PTGDS: variants seen among roughly 807,000 people sequenced by gnomAD.
PTGDS encodes prostaglandin D2 synthase, also known as prostaglandin-H2 D-isomerase.
Under a neutral mutation model 28.4 loss-of-function variants are expected in PTGDS, and 21 were observed. The ratio of observed to expected loss-of-function variants is 0.74; its 90% confidence interval spans 0.52 to 1.07. PTGDS has a LOEUF of 1.07. Ranked by LOEUF, PTGDS falls within the 50% of genes least tolerant of loss-of-function variation. The pLI is 0.00. For synonymous variants in PTGDS, 102 were observed against 106.0 expected (o/e 0.96, Z 0.23); for missense variants, 243 against 247.7 (o/e 0.98, Z 0.13).
chr9:136,979,555 G>A, intron 3 of PTGDS: 2 of 1,163,898 alleles, frequency 1.7e-6, no homozygotes, highest in South Asian at 3.1e-5. Flanking sequence ...CTGCCCTCTG[G>A]AGTTTTCCCC....
At position 136,979,051 on chromosome 9, in the gene PTGDS, A is replaced by T. The variant is rs745964067; in HGVS notation, c.173A>T (p.Lys58Met). 2.5e-6 allele frequency: 4 copies of T among 1,608,526 alleles called. No individual in the cohort carries two copies. The South Asian group carries it at 4.4e-5, about 18-fold the overall frequency. The change falls in exon 2 of 7, where the codon AAG becomes ATG. Residue 58 changes from lysine (K) to methionine (M), a missense_variant. Transcript: ENST00000371625. Reference protein sequence around the residue: ...LASNSSWLREKKAALSMCKSV... With the variant: ...LASNSSWLREMKAALSMCKSV... ...TCCAACTCGAGCTGGCTCCGGGAGA[A>T]GAAGGCGGCGTTGTCCATGTGCAAG... is the stretch of plus-strand genomic sequence containing the variant.
At position 136,977,521 on chromosome 9, in the gene PTGDS, C is replaced by T. The variant is rs1221623692; in HGVS notation, c.-58C>T. 4 of 1,319,022 alleles carry T rather than the reference C, an allele frequency of 3.0e-6. No individual in the cohort carries two copies. The highest frequency in any genetic ancestry group is 4.2e-6 in the Non-Finnish European group (4 of 953,196). The allele number at this position is 1,319,022 out of a possible 1,614,324, so 81.7% of individuals were successfully genotyped here. On this transcript the variant is annotated 5_prime_UTR_variant, in exon 1 of 7. Coordinates refer to ENST00000371625, the MANE Select transcript of PTGDS (RefSeq NM_000954.6). ...TGCCCTCCGCTCCTCCTGCACACCT[C>T]CCTCGCTCTCCCACACCACTGGCAC...
Position 136,979,038 on chromosome 9 carries a change from T to A in PTGDS, c.160T>A (p.Trp54Arg). The A allele has an allele frequency of 6.2e-7, 1 of 1,608,732 alleles. No homozygotes were observed. Residue 54 changes from tryptophan (W) to arginine (R), a missense_variant, in exon 2 of 7, where the codon TGG becomes AGG. Coordinates refer to ENST00000371625, the MANE Select transcript of PTGDS (RefSeq NM_000954.6). ...CGCGGGCCTCGCCTCCAACTCGAGCTGGCTCCGGGAGAAGAAGGCGGCGTT... is the reference window on the plus strand; with the variant it reads ...CGCGGGCCTCGCCTCCAACTCGAGCAGGCTCCGGGAGAAGAAGGCGGCGTT... Reference protein sequence around the residue: ...FSAGLASNSSWLREKKAALSM... With the variant: ...FSAGLASNSSRLREKKAALSM...
At chr9:136,978,486 T>A (rs1303522653) in intron 1 of PTGDS, among the ~76,000 whole-genome samples, 1 of 22,014 alleles carries the variant, frequency 4.5e-5, no homozygotes, top group Non-Finnish European at 8.7e-5. Context: ...AAGTGGGGCG[T>A]GGTCATCTCC....
intron 1 of PTGDS, among the ~76,000 whole-genome samples, chr9:136,978,492 TCTC>T (rs1311011210): frequency 1.3e-5 from 1 of 75,456 alleles, no homozygotes; most frequent in Non-Finnish European, 2.6e-5. Flanking sequence ...GGCGTGGTCA[TCTC>T]CTGGGGCGGG....
At chr9:136,978,707 G>C in intron 1 of PTGDS, 1 of 346,282 alleles carries the variant, frequency 2.9e-6, no homozygotes. Flanking sequence ...AGCTCCTGGG[G>C]CGGGGATGTG....
intron 6 of PTGDS, among the ~76,000 whole-genome samples, chr9:136,981,273 G>C (rs975200286): frequency 7.2e-5 from 11 of 152,142 alleles, no homozygotes; most frequent in Middle Eastern, 3.2e-3. Context: ...GGCCAAGGAC[G>C]CTACATGGAT....
At chr9:136,978,070 G>T (rs1044712254) in intron 1 of PTGDS, among the ~76,000 whole-genome samples, 1 of 152,202 alleles carries the variant, frequency 6.6e-6, no homozygotes, top group African/African-American at 2.4e-5. Flanking sequence ...CAAACACTCC[G>T]TGCGCGGTGG....
chr9:136,979,930 T>A lies in PTGDS; in HGVS notation c.332-16T>A. 1 of 1,610,104 alleles carries A rather than the reference T, an allele frequency of 6.2e-7. No individual in the cohort carries two copies. On this transcript the variant is annotated splice_polypyrimidine_tract_variant and intron_variant, in intron 3 of 6. Transcript: ENST00000371625. ...GGGGGCTGAGTCCCCGACAGGGTTGTCTCTTGGGTTCCCAGACTGGGGCAG... is the reference window on the plus strand; with the variant it reads ...GGGGGCTGAGTCCCCGACAGGGTTGACTCTTGGGTTCCCAGACTGGGGCAG...
chr9:136,979,234 G>T lies in PTGDS; in HGVS notation c.266G>T (p.Cys89Phe). ...TCACCCACCTACAGGAAAAACCAGT[G>T]TGAGACCCGAACCATGCTGCTGCAG... ...LTSTFLRKNQ[C>F]ETRTMLLQPA... Residue 89 changes from cysteine (C) to phenylalanine (F), a missense_variant, in exon 3 of 7, where the codon TGT becomes TTT. By Grantham distance (205) the Cys-to-Phe change is radical. Transcript: ENST00000371625. 1 of 1,613,028 alleles carries T rather than the reference G, an allele frequency of 6.2e-7. No individual in the cohort carries two copies. Among genetic ancestry groups the T allele is most frequent in the Admixed American group, 1.7e-5 (1 of 60,014 alleles).
chr9:136,981,033 T>C, intron 6 of PTGDS, 178 bp downstream of exon 6: 1 of 866,666 alleles, frequency 1.2e-6, no homozygotes, highest in East Asian at 2.7e-5. Flanking sequence ...CTGCCCACAT[T>C]GATGGGTGCA....
intron 1 of PTGDS, among the ~76,000 whole-genome samples, chr9:136,978,283 T>G (rs1395307113): frequency 1.3e-5 from 2 of 152,014 alleles, no homozygotes; most frequent in Non-Finnish European, 2.9e-5. Flanking sequence ...GCCCGCTGTA[T>G]GGGCCAGGCG....
chr9:136,980,188 A>G lies in PTGDS; in HGVS notation c.454A>G (p.Thr152Ala), dbSNP rs890717837. The G allele has an allele frequency of 9.9e-6, 16 of 1,613,678 alleles. No homozygotes were observed. Among genetic ancestry groups the G allele is most frequent in the Non-Finnish European group, 1.4e-5 (16 of 1,179,962 alleles). ...CCGTCTCCACCCTGTCCCAGGCCGA[A>G]CCCAGACCCCCAGGGCTGAGTTAAA... The part of the protein sequence containing the change: ...DFRMATLYSR[T>A]QTPRAELKEK... Residue 152 changes from threonine to alanine, a missense_variant, in exon 5 of 7, where the codon ACC (threonine) becomes GCC (alanine). Physicochemically the swap from Thr to Ala is moderately conservative, Grantham distance 58. Transcript: ENST00000371625.
chr9:136,977,801 C>T (rs1345695041), intron 1 of PTGDS, 109 bp downstream of exon 1: 10 of 1,029,144 alleles, frequency 9.7e-6, no homozygotes, highest in African/African-American at 1.7e-5. Context: ...TCCCGCAGTG[C>T]CGGGCAGTGC....
In PTGDS at chr9:136,977,596, A is replaced by G. The variant is rs4880179; in HGVS notation, c.18A>G (p.Thr6=). 0.96 allele frequency: 1,542,992 copies of G among 1,601,766 alleles called. 743,442 individuals carry two copies. Among genetic ancestry groups the G allele is most frequent in the East Asian group, 1 (44,370 of 44,376 alleles). ...GCAGGAGAATGGCTACTCATCACACACTGTGGATGGGACTGGCCCTGCTGG... is the reference window on the plus strand; with the variant it reads ...GCAGGAGAATGGCTACTCATCACACGCTGTGGATGGGACTGGCCCTGCTGG... MATHH[T]LWMGLALLGV... is the part of the protein sequence containing the mutation. Residue 6 remains threonine (T), a synonymous_variant, in exon 1 of 7, where the codon ACA becomes ACG. Transcript: ENST00000371625.
rs1440555449 is a variant in PTGDS, at chr9:136,979,249, T to C, written c.281T>C (p.Met94Thr). The part of the protein sequence containing the change: ...LRKNQCETRT[M>T]LLQPAGSLGS... ...AAAAACCAGTGTGAGACCCGAACCA[T>C]GCTGCTGCAGCCCGCGGGGTCCCTC... is the stretch of plus-strand genomic sequence containing the variant. Residue 94 changes from methionine to threonine, a missense_variant, in exon 3 of 7, where the codon ATG becomes ACG. Coordinates refer to ENST00000371625, the MANE Select transcript of PTGDS (RefSeq NM_000954.6). The C allele has an allele frequency of 1.2e-6, 2 of 1,612,902 alleles. No individual in the cohort carries two copies. The highest frequency in any genetic ancestry group is 2.7e-5 in the African/African-American group (2 of 75,016).
At chr9:136,979,585 G>GC in intron 3 of PTGDS, 1 of 877,190 alleles carries the variant, frequency 1.1e-6, no homozygotes, top group South Asian at 1.8e-5. Context: ...GCCCCCCAAG[G>GC]CCCCTCCATA....
At chr9:136,979,761 G>A (rs970606263) in intron 3 of PTGDS, 185 bp from the exon 4 acceptor site, 1 of 678,054 alleles carries the variant, frequency 1.5e-6, no homozygotes, top group Non-Finnish European at 2.6e-6. Flanking sequence ...TCTGGTTTGG[G>A]GACAGGGTTC....
intron 1 of PTGDS, 90 bp downstream of exon 1, chr9:136,977,782 T>C (rs1266686642): frequency 5.7e-6 from 7 of 1,225,680 alleles, no homozygotes; most frequent in Non-Finnish European, 7.9e-6. Flanking sequence ...CTGGGAGGAG[T>C]GAGCGAAGTC....
Sources: gnomAD v4.1 joint callset for allele counts (sites outside exome capture counted in the v4.1 genomes callset) on GRCh38, gnomAD v4.1.1 for gene constraint, MANE v1.5 for transcripts, NCBI Gene and HGNC (gene_info 2026-07-23, HGNC 2026-07-21) for gene names.